The following ANO1 variants were observed in gnomAD, a reference collection of about 807,000 sequenced individuals.
The protein encoded by ANO1 is anoctamin-1.
ANO1 carries 59 observed loss-of-function variants against 124.0 expected under a neutral mutation model. That is an observed-to-expected ratio of 0.48 (90% CI 0.39 to 0.59). ANO1 has a LOEUF of 0.59. ANO1 is among the 20% of genes least tolerant of loss of function. The probability of loss-of-function intolerance (pLI) is 0.00; values close to 1 mark genes in which losing one functional copy is unlikely to be tolerated. For synonymous variants in ANO1, 529 were observed against 532.0 expected (o/e 0.99, Z 0.08); for missense variants, 1,059 against 1,328.0 (o/e 0.80, Z 3.15).
intron 1 of ANO1, among the ~76,000 whole-genome samples, chr11:70,024,788 C>A (rs575357055): frequency 6.6e-6 from 1 of 152,254 alleles, no homozygotes; most frequent in South Asian, 2.1e-4. Context: ...TAGGCGGATC[C>A]CACCGCCCGA....
chr11:70,061,346 C>T (rs902356545), intron 1 of ANO1, among the ~76,000 whole-genome samples: 6 of 152,024 alleles, frequency 3.9e-5, no homozygotes, highest in Admixed American at 1.3e-4. Flanking sequence ...AAGGGCCTGG[C>T]CAAATTAGTG....
At chr11:70,061,022 G>A (rs1336422213) in intron 1 of ANO1, among the ~76,000 whole-genome samples, 1 of 152,204 alleles carries the variant, frequency 6.6e-6, no homozygotes, top group Admixed American at 6.5e-5. Flanking sequence ...CAGATACAGA[G>A]TCGGAAATAT....
intron 13 of ANO1, 135 bp downstream of exon 13, chr11:70,152,596 C>T (rs1388616194): frequency 2.9e-6 from 3 of 1,049,958 alleles, no homozygotes; most frequent in East Asian, 5.1e-5. Flanking sequence ...CTGCTTTCTC[C>T]CCACCTCCGG....
chr11:70,142,122 A>G (rs2047177644), intron 11 of ANO1, among the ~76,000 whole-genome samples: 2 of 152,210 alleles, frequency 1.3e-5, no homozygotes, highest in East Asian at 1.9e-4. Flanking sequence ...CTTGAGCCCT[A>G]TTTAGCTATT....
At chr11:70,105,088 C>A (rs2045459340) in intron 4 of ANO1, among the ~76,000 whole-genome samples, 1 of 152,050 alleles carries the variant, frequency 6.6e-6, no homozygotes, top group Admixed American at 6.6e-5. Context: ...CCGCCGACCT[C>A]CCTCGTCTCT....
chr11:70,065,619 C>T (rs1464468380), intron 1 of ANO1, among the ~76,000 whole-genome samples: 2 of 151,848 alleles, frequency 1.3e-5, no homozygotes, highest in East Asian at 3.9e-4. Context: ...TTCCTCTCTG[C>T]CCTTGTCCCC....
chr11:70,000,569 G>A (rs1270884053), intron 1 of ANO1, among the ~76,000 whole-genome samples: 1 of 150,972 alleles, frequency 6.6e-6, no homozygotes, highest in Non-Finnish European at 1.5e-5. Context: ...CTGCTCATGG[G>A]TGTGGAGACT....
intron 1 of ANO1, among the ~76,000 whole-genome samples, chr11:70,084,743 G>A (rs1332739750): frequency 6.6e-6 from 1 of 152,164 alleles, no homozygotes; most frequent in Non-Finnish European, 1.5e-5. Context: ...GTGCTTATCT[G>A]CTGTCTCTAC....
intron 22 of ANO1, among the ~76,000 whole-genome samples, chr11:70,175,023 C>T (rs1278462349): frequency 6.6e-6 from 1 of 152,230 alleles, no homozygotes; most frequent in Non-Finnish European, 1.5e-5. Context: ...CGCCCGCCAC[C>T]TGCCACATCA....
intron 10 of ANO1, chr11:70,129,234 T>C (rs151073192): frequency 6.6e-6 from 1 of 152,368 alleles, no homozygotes; most frequent in South Asian, 2.1e-4. Flanking sequence ...GGCTATTGCA[T>C]AATAATGACA....
chr11:70,095,067 G>A (rs11600973), intron 2 of ANO1, among the ~76,000 whole-genome samples: 4,869 of 151,948 alleles, frequency 0.032, 103 homozygotes, highest in Non-Finnish European at 0.049. Context: ...TTAGCCGGGC[G>A]TGGTGGCTGG....
At chr11:70,147,571 C>T (rs893383270) in intron 11 of ANO1, among the ~76,000 whole-genome samples, 1 of 152,248 alleles carries the variant, frequency 6.6e-6, no homozygotes. Context: ...CCCCAGGCTC[C>T]TGGCTCTCCC....
intron 1 of ANO1, among the ~76,000 whole-genome samples, chr11:70,062,433 C>G (rs531455981): frequency 2.6e-4 from 40 of 152,266 alleles, no homozygotes; most frequent in African/African-American, 8.9e-4. Flanking sequence ...GGGACACATT[C>G]AGGACAAGAA....
the ANO1 span, among the ~76,000 whole-genome samples, chr11:69,976,540 AAAAAAAAAAAAAAAG>A: frequency 1.2e-5 from 1 of 85,788 alleles, no homozygotes. Flanking sequence ...AAAAAAAAAA[AAAAAAAAAAAAAAAG>A]AGAGAGAGAG....
At chr11:69,989,981 T>G (rs1492511) in intron 1 of ANO1, among the ~76,000 whole-genome samples, 122,268 of 152,124 alleles carry the variant, frequency 0.8, 49,852 homozygotes, top group East Asian at 0.99. Flanking sequence ...TAAAATTGTG[T>G]TAGATATTAT....
At chr11:70,097,008 A>C (rs2045007268) in intron 2 of ANO1, among the ~76,000 whole-genome samples, 1 of 152,116 alleles carries the variant, frequency 6.6e-6, no homozygotes, top group Non-Finnish European at 1.5e-5. Context: ...AGGTCATTGA[A>C]TTTCTTGTTT....
intron 1 of ANO1, among the ~76,000 whole-genome samples, chr11:70,069,920 T>C (rs1857828203): frequency 6.6e-6 from 1 of 150,710 alleles, no homozygotes; most frequent in Non-Finnish European, 1.5e-5. Flanking sequence ...AGTTGTCGTA[T>C]GTGTATGCAT....
At chr11:70,154,117 C>T (rs2047711857) in intron 14 of ANO1, among the ~76,000 whole-genome samples, 1 of 152,142 alleles carries the variant, frequency 6.6e-6, no homozygotes, top group African/African-American at 2.4e-5. Context: ...AGGCATGGAG[C>T]TCCTGGCCTT....
chr11:70,079,764 C>T (rs1231767810), intron 1 of ANO1, among the ~76,000 whole-genome samples: 2 of 152,248 alleles, frequency 1.3e-5, no homozygotes, highest in Non-Finnish European at 2.9e-5. Context: ...GTCTCTGGAG[C>T]TCACAGAGAG....
Sources: allele counts gnomAD v4.1 joint callset (sites outside exome capture counted in the v4.1 genomes callset), GRCh38; gene constraint gnomAD v4.1.1; transcripts MANE v1.5; gene names NCBI Gene and HGNC (gene_info 2026-07-23, HGNC 2026-07-21).